ARHGAP15: variants seen among roughly 807,000 people sequenced by gnomAD.
The protein encoded by ARHGAP15 is Rho GTPase activating protein 15.
ARHGAP15 carries 51 observed loss-of-function variants against 63.7 expected under a neutral mutation model. The ratio of observed to expected loss-of-function variants is 0.80; its 90% confidence interval spans 0.64 to 1.01. The LOEUF (loss-of-function observed/expected upper bound fraction) is 1.01, where lower values mean the gene tolerates loss of function less well. Among genes scored for constraint, ARHGAP15 ranks in the 50% least tolerant of loss-of-function variants. The pLI is 0.00. For synonymous variants in ARHGAP15, 191 were observed against 193.8 expected (o/e 0.99, Z 0.12); for missense variants, 560 against 564.6 (o/e 0.99, Z 0.08).
chr2:143,519,442 C>T, intron 10 of ARHGAP15, 78 bp downstream of exon 10: 1 of 1,111,734 alleles, frequency 9.0e-7, no homozygotes, highest in Non-Finnish European at 1.3e-6. Context: ...GCAGTGCCAC[C>T]TGATTTGTCT....
rs1437684320 is a variant in ARHGAP15, at chr2:143,202,115, A to G, written c.166-19A>G. On this transcript the variant is annotated intron_variant, in intron 2 of 13. Coordinates refer to ENST00000295095, the MANE Select transcript of ARHGAP15 (RefSeq NM_018460.4). ...CAAGAAAAATTATGTAATAATATCC[A>G]ATGTCAATATATTTGCAGATATCCA... 2.5e-6 allele frequency: 4 copies of G among 1,592,132 alleles called. No homozygotes were observed. Among genetic ancestry groups the G allele is most frequent in the Non-Finnish European group, 2.6e-6 (3 of 1,161,004 alleles).
chr2:143,706,057 T>C (rs1479790004), intron 13 of ARHGAP15, among the ~76,000 whole-genome samples: 1 of 152,218 alleles, frequency 6.6e-6, no homozygotes, highest in Non-Finnish European at 1.5e-5. Flanking sequence ...TTATTATACA[T>C]GGGAAGAAGT....
intron 3 of ARHGAP15, among the ~76,000 whole-genome samples, chr2:143,215,744 C>T (rs1002674738): frequency 6.6e-6 from 1 of 152,250 alleles, no homozygotes. Flanking sequence ...AACACTTCTG[C>T]GGAGTTATAA....
At chr2:143,754,163 C>T (rs1303102133) in intron 13 of ARHGAP15, among the ~76,000 whole-genome samples, 1 of 152,130 alleles carries the variant, frequency 6.6e-6, no homozygotes, top group East Asian at 1.9e-4. Context: ...CTATGTAAAG[C>T]CGAAGCATTT....
chr2:143,699,661 C>A (rs1474070743), intron 12 of ARHGAP15, among the ~76,000 whole-genome samples: 1 of 152,058 alleles, frequency 6.6e-6, no homozygotes, highest in Non-Finnish European at 1.5e-5. Flanking sequence ...GTACTTTCAC[C>A]AACTGGCACC....
At chr2:143,198,268 A>C (rs1391187497) in intron 2 of ARHGAP15, among the ~76,000 whole-genome samples, 1 of 152,028 alleles carries the variant, frequency 6.6e-6, no homozygotes, top group Non-Finnish European at 1.5e-5. Context: ...ATCTTTGTAT[A>C]AATTTCTCAA....
intron 9 of ARHGAP15, among the ~76,000 whole-genome samples, chr2:143,517,635 G>C (rs1039381927): frequency 6.6e-6 from 1 of 152,110 alleles, no homozygotes; most frequent in African/African-American, 2.4e-5. Flanking sequence ...TCTAAGCAAG[G>C]GAAACAGCTA....
intron 6 of ARHGAP15, among the ~76,000 whole-genome samples, chr2:143,308,651 A>C (rs1445268200): frequency 3.3e-5 from 5 of 152,192 alleles, no homozygotes; most frequent in East Asian, 3.9e-4. Flanking sequence ...CCTGTCATGA[A>C]ATGCTGGGGA....
intron 11 of ARHGAP15, among the ~76,000 whole-genome samples, chr2:143,560,865 T>G (rs1465122972): frequency 1.3e-5 from 2 of 152,190 alleles, no homozygotes; most frequent in Non-Finnish European, 2.9e-5. Context: ...AGGCTGTTGG[T>G]GCGTTTGTGA....
intron 11 of ARHGAP15, among the ~76,000 whole-genome samples, chr2:143,586,877 A>G (rs1376768451): frequency 1.3e-5 from 2 of 151,212 alleles, no homozygotes; most frequent in Non-Finnish European, 1.5e-5. Flanking sequence ...ATTTTACTCA[A>G]TCTCAATCTC....
At chr2:143,272,364 C>T (rs1256961950) in intron 6 of ARHGAP15, among the ~76,000 whole-genome samples, 2 of 152,146 alleles carry the variant, frequency 1.3e-5, no homozygotes, top group Non-Finnish European at 2.9e-5. Context: ...GGCACAGTGG[C>T]TCACTCCTGT....
chr2:143,428,617 A>T (rs773895843), intron 6 of ARHGAP15, among the ~76,000 whole-genome samples: 1 of 152,066 alleles, frequency 6.6e-6, no homozygotes, highest in Non-Finnish European at 1.5e-5. Context: ...AATATACATG[A>T]TATTTTCATT....
intron 6 of ARHGAP15, among the ~76,000 whole-genome samples, chr2:143,375,798 C>T (rs116377889): frequency 5.2e-4 from 79 of 152,226 alleles, no homozygotes; most frequent in Middle Eastern, 3.4e-3. Flanking sequence ...GAGTTCATTC[C>T]GGCAGCCAAG....
chr2:143,611,379 T>C (rs1698249010), intron 11 of ARHGAP15, among the ~76,000 whole-genome samples: 1 of 152,226 alleles, frequency 6.6e-6, no homozygotes, highest in African/African-American at 2.4e-5. Flanking sequence ...ATGTTAGCCT[T>C]GACACTAACT....
intron 2 of ARHGAP15, among the ~76,000 whole-genome samples, chr2:143,169,041 C>T (rs1282143808): frequency 6.6e-6 from 1 of 152,000 alleles, no homozygotes; most frequent in Non-Finnish European, 1.5e-5. Context: ...GGCCAAGGGC[C>T]TCTTTAGAAT....
At chr2:143,237,904 T>A (rs1693717019) in intron 5 of ARHGAP15, 1 of 152,204 alleles carries the variant, frequency 6.6e-6, no homozygotes, top group South Asian at 2.1e-4. Flanking sequence ...TGTACTAATA[T>A]GTATTTTTAA....
chr2:143,524,259 G>A (rs562628433), intron 10 of ARHGAP15, among the ~76,000 whole-genome samples: 7 of 152,238 alleles, frequency 4.6e-5, no homozygotes, highest in African/African-American at 7.2e-5. Context: ...TATAGGTTCC[G>A]ATGTCTGTTT....
intron 13 of ARHGAP15, among the ~76,000 whole-genome samples, chr2:143,761,894 A>AGAAAACT (rs1298966943): frequency 6.6e-6 from 1 of 152,162 alleles, no homozygotes; most frequent in Non-Finnish European, 1.5e-5. Context: ...AGCTCCTGTT[A>AGAAAACT]GAAAACTGAA....
intron 6 of ARHGAP15, among the ~76,000 whole-genome samples, chr2:143,407,987 G>GTGTATATATA (rs1357709703): frequency 2.8e-4 from 22 of 77,410 alleles, no homozygotes; most frequent in South Asian, 1.2e-3. Context: ...TTCTGTGTGT[G>GTGTATATATA]TATATATATA....
Sources: gnomAD v4.1 joint callset for allele counts (sites outside exome capture counted in the v4.1 genomes callset) on GRCh38, gnomAD v4.1.1 for gene constraint, MANE v1.5 for transcripts, NCBI Gene and HGNC (gene_info 2026-07-23, HGNC 2026-07-21) for gene names.